The following EFR3A variants were observed in gnomAD, a reference collection of about 807,000 sequenced individuals.
The protein encoded by EFR3A is EFR3 homolog A, also known as protein EFR3 homolog A.
In EFR3A, 76 loss-of-function variants were observed where a neutral mutation model predicts 104.4. The ratio of observed to expected loss-of-function variants is 0.73; its 90% CI spans 0.60 to 0.88. EFR3A has a LOEUF of 0.88. Among genes scored for constraint, EFR3A ranks in the 40% least tolerant of loss-of-function variants. EFR3A has a pLI of 0.00. For missense variants in EFR3A, 985 were observed against 1,012.5 expected, an observed-to-expected ratio of 0.97 and a Z score of 0.37; for synonymous variants, 330 against 330.0, an observed-to-expected ratio of 1.00 and a Z score of 0.00.
At chr8:131,995,806 C>T (rs765446954) in intron 18 of EFR3A, among the ~76,000 whole-genome samples, 6 of 152,140 alleles carry the variant, frequency 3.9e-5, no homozygotes, top group Non-Finnish European at 8.8e-5. Context: ...CAACATCTTT[C>T]TGGAGAAGTG....
At chr8:131,927,366 A>C (rs938237810) in intron 1 of EFR3A, among the ~76,000 whole-genome samples, 1 of 152,190 alleles carries the variant, frequency 6.6e-6, no homozygotes, top group Non-Finnish European at 1.5e-5. Flanking sequence ...CCAAGCTATC[A>C]GATTATTAAG....
chr8:131,960,218 A>C (rs528544409), intron 8 of EFR3A, among the ~76,000 whole-genome samples: 2 of 152,322 alleles, frequency 1.3e-5, no homozygotes, highest in Admixed American at 6.5e-5. Flanking sequence ...AAAGTCTTAC[A>C]TATAGCTGAT....
chr8:131,970,611 A>C lies in EFR3A; in HGVS notation c.1127A>C (p.Lys376Thr), dbSNP rs759300627. 6.2e-7 allele frequency: 1 copy of C among 1,613,870 alleles called. No individual in the cohort carries two copies. Among genetic ancestry groups the C allele is most frequent in the Non-Finnish European group, 8.5e-7 (1 of 1,179,812 alleles). ...LNTSSKDNDE[K>T]IVQNAIIQTI... ...ACAAGTTCCAAAGACAATGATGAGA[A>C]GATTGTGCAGAATGCTATCATCCAA... Residue 376 changes from lysine (K) to threonine (T), a missense_variant, in exon 10 of 23, where the codon AAG becomes ACG. By Grantham distance (78) the Lys-to-Thr change is moderately conservative. Coordinates refer to ENST00000254624, the MANE Select transcript of EFR3A (RefSeq NM_015137.6).
At chr8:131,961,249 G>A (rs1373794696) in intron 8 of EFR3A, among the ~76,000 whole-genome samples, 1 of 152,136 alleles carries the variant, frequency 6.6e-6, no homozygotes, top group African/African-American at 2.4e-5. Context: ...GGCTTCAGAC[G>A]ATCAAACTTC....
rs1820746869 is a variant in EFR3A, at chr8:131,984,000, A to G, written c.1576-139A>G. 5.2e-6 allele frequency: 3 copies of G among 576,838 alleles called. No individual in the cohort carries two copies. In the South Asian group the frequency reaches 2.0e-4, roughly 38 times the overall value. The allele number at this position is 576,838 out of a possible 1,614,324, so 35.7% of individuals were successfully genotyped here. A position where few individuals can be genotyped will look rare whatever the true frequency, so the allele number is the denominator to read the frequency against. ...GTTTGATATTTATAATTGAAATTTG[A>G]CTATCTGATCAACTTAAATTTCATT... On this transcript the variant is annotated intron_variant, in intron 14 of 22. Coordinates refer to ENST00000254624, the MANE Select transcript of EFR3A (RefSeq NM_015137.6).
intron 19 of EFR3A, chr8:132,000,728 C>T (rs1182184795): frequency 1.3e-5 from 2 of 152,010 alleles, no homozygotes; most frequent in Non-Finnish European, 2.9e-5. Context: ...AATAATTGAC[C>T]AGCCAGAGCC....
chr8:131,917,088 A>G (rs1007234981), intron 1 of EFR3A, among the ~76,000 whole-genome samples: 1 of 152,266 alleles, frequency 6.6e-6, no homozygotes, highest in African/African-American at 2.4e-5. Flanking sequence ...ACTGTTAGTA[A>G]TTTATCAACC....
intron 14 of EFR3A, among the ~76,000 whole-genome samples, chr8:131,983,019 A>C (rs758629151): frequency 5.3e-5 from 8 of 152,166 alleles, no homozygotes; most frequent in Non-Finnish European, 1.0e-4. Context: ...GGAGAACTAT[A>C]GGCCTCCTTA....
intron 22 of EFR3A, 98 bp downstream of exon 22, chr8:132,003,383 G>A: frequency 1.8e-6 from 2 of 1,082,094 alleles, no homozygotes; most frequent in East Asian, 2.4e-5. Flanking sequence ...AAGTTATCAT[G>A]TTAAAGTAAT....
At chr8:131,949,475 T>C (rs1425915610) in intron 4 of EFR3A, among the ~76,000 whole-genome samples, 1 of 152,104 alleles carries the variant, frequency 6.6e-6, no homozygotes, top group East Asian at 1.9e-4. Context: ...ATTATGTTTT[T>C]TTCTTCCTCT....
At chr8:132,002,217 C>G (rs1352639221) in intron 20 of EFR3A, among the ~76,000 whole-genome samples, 1 of 152,082 alleles carries the variant, frequency 6.6e-6, no homozygotes, top group Non-Finnish European at 1.5e-5. Flanking sequence ...TTCAATTTAG[C>G]AAATATTTTA....
chr8:131,959,807 T>C (rs1259287667), intron 8 of EFR3A, 144 bp downstream of exon 8: 2 of 526,128 alleles, frequency 3.8e-6, no homozygotes, highest in Non-Finnish European at 6.6e-6. Context: ...CATTTTCATT[T>C]GCTACTTATT....
intron 1 of EFR3A, among the ~76,000 whole-genome samples, chr8:131,912,342 T>C (rs1380409656): frequency 6.6e-6 from 1 of 152,102 alleles, no homozygotes; most frequent in Non-Finnish European, 1.5e-5. Context: ...TCAAAATTAA[T>C]ATCAAATAGG....
intron 1 of EFR3A, among the ~76,000 whole-genome samples, chr8:131,929,956 C>T (rs1396615357): frequency 6.6e-6 from 1 of 152,068 alleles, no homozygotes; most frequent in Non-Finnish European, 1.5e-5. Context: ...CTAAACTTTC[C>T]AATGATGTAT....
At chr8:131,984,484 A>G (rs1210708530) in intron 15 of EFR3A, among the ~76,000 whole-genome samples, 184 bp downstream of exon 15, 2 of 152,210 alleles carry the variant, frequency 1.3e-5, no homozygotes, top group Admixed American at 6.5e-5. Flanking sequence ...ATGAGCATCA[A>G]CTGGTGTGCT....
At chr8:131,990,768 G>A (rs965581312) in intron 18 of EFR3A, among the ~76,000 whole-genome samples, 4 of 152,160 alleles carry the variant, frequency 2.6e-5, no homozygotes, top group Non-Finnish European at 5.9e-5. Context: ...TGAGGATACA[G>A]AGTAGGTAGA....
intron 7 of EFR3A, among the ~76,000 whole-genome samples, chr8:131,957,866 G>A (rs1338364390): frequency 6.6e-6 from 1 of 152,176 alleles, no homozygotes; most frequent in African/African-American, 2.4e-5. Context: ...ATTGTTGGCT[G>A]GAGTGTTGAA....
At chr8:131,945,576 G>T (rs1009576105) in intron 3 of EFR3A, among the ~76,000 whole-genome samples, 2 of 151,964 alleles carry the variant, frequency 1.3e-5, no homozygotes, top group Non-Finnish European at 2.9e-5. Flanking sequence ...GGCACACATA[G>T]CTTTATGGTT....
intron 18 of EFR3A, 105 bp from the exon 19 acceptor site, chr8:131,996,301 C>T (rs575634106): frequency 1.5e-6 from 1 of 657,882 alleles, no homozygotes; most frequent in African/African-American, 1.9e-5. Context: ...GACAAACTGT[C>T]TGAATTTTTT....
Sources: gnomAD v4.1 joint callset for allele counts (sites outside exome capture counted in the v4.1 genomes callset) on GRCh38, gnomAD v4.1.1 for gene constraint, MANE v1.5 for transcripts, NCBI Gene and HGNC (gene_info 2026-07-23, HGNC 2026-07-21) for gene names.